RASSF4: variants seen among roughly 807,000 people sequenced by gnomAD.
RASSF4 encodes ras association domain-containing protein 4.
A neutral mutation model predicts 41.1 loss-of-function variants in RASSF4; 38 were observed. The ratio of observed to expected loss-of-function variants is 0.92; its 90% CI spans 0.71 to 1.21. The LOEUF is 1.21. Among genes scored for constraint, RASSF4 ranks in the 50% most tolerant of loss-of-function variants. RASSF4 has a pLI of 0.00. For missense variants in RASSF4, 414 were observed against 419.4 expected (o/e 0.99, Z 0.11); for synonymous variants, 179 against 163.4 (o/e 1.10, Z -0.73).
At chr10:44,960,472 T>C (rs939988488) in intron 1 of RASSF4, among the ~76,000 whole-genome samples, 2 of 152,242 alleles carry the variant, frequency 1.3e-5, no homozygotes, top group African/African-American at 4.8e-5. Context: ...CCAGGGCTTG[T>C]TGTGCCCCTG....
chr10:44,989,195 C>A, intron 6 of RASSF4, 79 bp from the exon 7 acceptor site: 1 of 853,532 alleles, frequency 1.2e-6, no homozygotes, highest in Non-Finnish European at 2.0e-6. Context: ...CACCTGCTGC[C>A]TTGGTCTGTT....
intron 8 of RASSF4, 40 bp downstream of exon 8, chr10:44,989,761 G>T: frequency 5.8e-6 from 9 of 1,564,896 alleles, no homozygotes; most frequent in Non-Finnish European, 7.9e-6. Flanking sequence ...AAAGCAAAAG[G>T]TCTCTACCTG....
At chr10:44,968,641 T>C (rs990158856) in intron 1 of RASSF4, among the ~76,000 whole-genome samples, 1 of 152,088 alleles carries the variant, frequency 6.6e-6, no homozygotes, top group African/African-American at 2.4e-5. Context: ...GAGAGCAAAC[T>C]GGACTGGTCC....
intron 3 of RASSF4, chr10:44,978,217 T>A: frequency 4.9e-6 from 3 of 609,424 alleles, no homozygotes; most frequent in Non-Finnish European, 8.2e-6. Flanking sequence ...GGATCTTTTC[T>A]TCCTGTTCAG....
intron 2 of RASSF4, 29 bp downstream of exon 2, chr10:44,970,293 G>A (rs1361659985): frequency 1.9e-6 from 3 of 1,598,964 alleles, no homozygotes; most frequent in African/African-American, 1.3e-5. Flanking sequence ...GTTGGGCGGG[G>A]GAGTCTTCAC....
chr10:44,989,720 G>T lies in RASSF4; in HGVS notation c.684G>T (p.Gly228=), dbSNP rs753413115. The T allele has an allele frequency of 6.2e-7, 1 of 1,613,948 alleles. No individual in the cohort carries two copies. Among genetic ancestry groups the T allele is most frequent in the East Asian group, 2.2e-5 (1 of 44,868 alleles). The change falls in exon 8 of 11, where the codon GGG becomes GGT. Residue 228 remains glycine, a splice_region_variant and synonymous_variant. Coordinates refer to ENST00000340258, the MANE Select transcript of RASSF4 (RefSeq NM_032023.4). ...CACTCTACATCGTTCACGAGTCTGG[G>T]GGTAAGTACCTGCCCCACTTCTGGA... is the stretch of plus-strand genomic sequence containing the variant. The part of the protein sequence containing the change: ...EFALYIVHES[G]ERTKLKDCEY...
intron 3 of RASSF4, among the ~76,000 whole-genome samples, chr10:44,979,642 G>C (rs1206317072): frequency 6.6e-6 from 1 of 152,166 alleles, no homozygotes; most frequent in Non-Finnish European, 1.5e-5. Context: ...ATTCCAGGTG[G>C]CAGGGGCAGC....
At chr10:44,967,584 C>A (rs558864919) in intron 1 of RASSF4, among the ~76,000 whole-genome samples, 2 of 152,372 alleles carry the variant, frequency 1.3e-5, no homozygotes, top group Non-Finnish European at 2.9e-5. Context: ...GAGTCACCTC[C>A]GTGGCCATTG....
Position 44,982,294 on chromosome 10 carries a change from G to A in RASSF4, c.139-227G>A, listed in dbSNP as rs530928222. 1.3e-4 allele frequency: 84 copies of A among 625,150 alleles called. No homozygotes were observed. The East Asian group carries it at 2.1e-3, about 15-fold the overall frequency. 38.7% of individuals were successfully genotyped at this position (625,150 alleles called of 1,614,324 possible). A position where few individuals can be genotyped will look rare whatever the true frequency, so the allele number is the denominator to read the frequency against. On this transcript the variant is annotated intron_variant, in intron 3 of 10. Coordinates refer to ENST00000340258, the MANE Select transcript of RASSF4 (RefSeq NM_032023.4). The stretch of plus-strand genomic sequence containing the variant: ...ACCTGACTCAGCCACTGTGTTCTGC[G>A]CTGTGCCCCTGGCCAGGCATGAGCT...
intron 3 of RASSF4, among the ~76,000 whole-genome samples, chr10:44,974,013 G>A (rs1470873783): frequency 1.2e-4 from 1 of 8,574 alleles, no homozygotes; most frequent in Non-Finnish European, 2.1e-4. Context: ...CCAGGGTACC[G>A]GTACCGGCCT....
At chr10:44,987,614 C>A (rs529097818) in intron 6 of RASSF4, among the ~76,000 whole-genome samples, 115 of 135,912 alleles carry the variant, frequency 8.5e-4, no homozygotes, top group African/African-American at 3.1e-3. Context: ...CTTCCATTTG[C>A]AAAAATGTGC....
chr10:44,976,047 G>GCC, intron 3 of RASSF4: 1 of 150,742 alleles, frequency 6.6e-6, no homozygotes, highest in East Asian at 1.9e-4. Context: ...GCTAAAGGCT[G>GCC]CCCCGGCTAA....
At chr10:44,983,598 A>G (rs41306546) in intron 4 of RASSF4, 7,764 of 197,136 alleles carry the variant, frequency 0.039, 182 homozygotes, top group East Asian at 0.062. Flanking sequence ...CCTGGGGCTC[A>G]TCCTGCCAAG....
chr10:44,965,090 G>A (rs1264533517), intron 1 of RASSF4, among the ~76,000 whole-genome samples: 1 of 152,220 alleles, frequency 6.6e-6, no homozygotes, highest in Non-Finnish European at 1.5e-5. Context: ...GAGGCAGATT[G>A]ATTAATAGGA....
intron 3 of RASSF4, among the ~76,000 whole-genome samples, chr10:44,973,781 G>A (rs1029724491): frequency 2.0e-5 from 3 of 152,222 alleles, no homozygotes; most frequent in Admixed American, 6.5e-5. Context: ...TCCACCCTGC[G>A]TTTGTGGTTT....
At chr10:44,989,174 G>C in intron 6 of RASSF4, 100 bp from the exon 7 acceptor site, 1 of 714,582 alleles carries the variant, frequency 1.4e-6, no homozygotes, top group Non-Finnish European at 2.5e-6. Context: ...GGTGTTCCCA[G>C]ATCTCAGCGT....
At chr10:44,982,097 C>G (rs1344161208) in intron 3 of RASSF4, 3 of 259,284 alleles carry the variant, frequency 1.2e-5, no homozygotes, top group South Asian at 7.3e-5. Context: ...GGTGTGGGAC[C>G]CTGCCGGGCC....
intron 1 of RASSF4, among the ~76,000 whole-genome samples, chr10:44,967,534 C>T (rs2132764698): frequency 6.6e-6 from 1 of 152,344 alleles, no homozygotes; most frequent in African/African-American, 2.4e-5. Context: ...GGAATGTGCC[C>T]CCCATTCCCC....
rs1842247557 is a variant in RASSF4 at position 44,995,246 on chromosome 10, G to C, written c.*1917G>C. ...CAAAGATGGAGCCAGTCTGTCCTGT[G>C]TCTAGGGGTCTTCTCATCAGGAGAA... On this transcript the variant is annotated 3_prime_UTR_variant, in exon 11 of 11. Coordinates refer to ENST00000340258, the MANE Select transcript of RASSF4 (RefSeq NM_032023.4). 1 of 152,312 alleles carries C rather than the reference G, an allele frequency of 6.6e-6. No homozygotes were observed. The highest frequency in any genetic ancestry group is 2.4e-5 in the African/African-American group (1 of 41,466). The allele number at this position is 152,312 out of a possible 1,614,324, so 9.4% of individuals were successfully genotyped here. A position where few individuals can be genotyped will look rare whatever the true frequency, so the allele number is the denominator to read the frequency against.
Sources: gnomAD v4.1 joint callset for allele counts (sites outside exome capture counted in the v4.1 genomes callset) on GRCh38, gnomAD v4.1.1 for gene constraint, MANE v1.5 for transcripts, NCBI Gene and HGNC (gene_info 2026-07-23, HGNC 2026-07-21) for gene names.